MFSD6: variants seen among roughly 807,000 people sequenced by gnomAD.
MFSD6 encodes major facilitator superfamily domain containing 6, also known as major facilitator superfamily domain-containing protein 6.
A neutral mutation model predicts 56.3 loss-of-function variants in MFSD6; 26 were observed. The ratio of observed to expected loss-of-function variants is 0.46; its 90% CI spans 0.34 to 0.64. MFSD6 has a LOEUF of 0.64. Among genes scored for constraint, MFSD6 ranks in the 30% least tolerant of loss-of-function variants. MFSD6 has a pLI of 0.01. For synonymous variants in MFSD6, 331 were observed against 366.9 expected, an observed-to-expected ratio of 0.90 and a Z score of 1.12; for missense variants, 750 against 986.2, an observed-to-expected ratio of 0.76 and a Z score of 3.21.
chr2:190,443,626 T>C lies in MFSD6; in HGVS notation c.1532+6065T>C, dbSNP rs1320780227. On this transcript the variant is annotated intron_variant, in intron 3 of 7. Transcript: ENST00000392328. This position sits in a 1 kb window ranked among gnomAD's most constrained non-coding sequence, Gnocchi z 4.2. ...TTCCCCCTTAAACATCTTAGTCAAA[T>C]TGAAATTTTTCTCCCCAAATTTCTG... Among the ~76,000 whole-genome samples, 2 of 152,232 alleles carry C rather than the reference T, an allele frequency of 1.3e-5. No homozygotes were observed. The highest frequency in any genetic ancestry group is 2.9e-5 in the Non-Finnish European group (2 of 68,044).
rs924685153 is a variant in MFSD6, at chr2:190,439,796, A to G, written c.1532+2235A>G. ...GGTCATTTACCTGTTTTGAATTTTC[A>G]TTCTGTCCATTAAAATGTATTAATT... On this transcript the variant is annotated intron_variant, in intron 3 of 7. Coordinates refer to ENST00000392328, the MANE Select transcript of MFSD6 (RefSeq NM_017694.4). The surrounding 1 kb of genome is among the most constrained non-coding windows in gnomAD (Gnocchi z 5.8). Among the ~76,000 whole-genome samples the G allele has an allele frequency of 1.2e-4, 19 of 152,218 alleles. No individual in the cohort carries two copies. Among genetic ancestry groups the G allele is most frequent in the African/African-American group, 4.6e-4 (19 of 41,450 alleles).
Position 190,497,947 on chromosome 2 carries a change from G to T in MFSD6, c.2172+228G>T. 2.5e-6 allele frequency: 1 copy of T among 401,442 alleles called. No homozygotes were observed. The highest frequency in any genetic ancestry group is 6.9e-5 in the South Asian group (1 of 14,424). The allele number at this position is 401,442 out of a possible 1,614,324, so 24.9% of individuals were successfully genotyped here. A position where few individuals can be genotyped will look rare whatever the true frequency, so the allele number is the denominator to read the frequency against. ...TATGGAGTTCAGGAAAACTTCAGAG[G>T]TTATGATTCTTTCACTTCTTGAAAG... is the stretch of plus-strand genomic sequence containing the variant. On this transcript the variant is annotated intron_variant, in intron 7 of 7. Coordinates refer to ENST00000392328, the MANE Select transcript of MFSD6 (RefSeq NM_017694.4). The surrounding 1 kb of genome is among the most constrained non-coding windows in gnomAD (Gnocchi z 5.2).
intron 2 of MFSD6, among the ~76,000 whole-genome samples, chr2:190,428,017 C>T (rs1030409807): frequency 6.6e-6 from 1 of 152,230 alleles, no homozygotes; most frequent in Non-Finnish European, 1.5e-5. Context: ...CAGGCGTGAG[C>T]CACTGTGCCC....
At chr2:190,470,364 C>T (rs187089024) in intron 4 of MFSD6, among the ~76,000 whole-genome samples, 1 of 152,294 alleles carries the variant, frequency 6.6e-6, no homozygotes, top group Admixed American at 6.5e-5. Context: ...AAATGTCCTG[C>T]CCTGAGTTCT....
intron 2 of MFSD6, among the ~76,000 whole-genome samples, chr2:190,419,700 G>C (rs879478253): frequency 6.6e-6 from 1 of 152,190 alleles, no homozygotes; most frequent in African/African-American, 2.4e-5. Context: ...CTCAATATAT[G>C]TTTGAACAGT....
In MFSD6 at chr2:190,433,886, C is replaced by T. The variant is rs79256227; in HGVS notation, c.-53-2091C>T. Among the ~76,000 whole-genome samples, 86 of 152,148 alleles carry T rather than the reference C, an allele frequency of 5.7e-4. No individual in the cohort carries two copies. In the East Asian group the frequency reaches 0.016, roughly 29 times the overall value. On this transcript the variant is annotated intron_variant, in intron 2 of 7. Coordinates refer to ENST00000392328, the MANE Select transcript of MFSD6 (RefSeq NM_017694.4). The surrounding 1 kb of genome is among the most constrained non-coding windows in gnomAD (Gnocchi z 4.5). The stretch of plus-strand genomic sequence containing the variant: ...GGTAGCAAGTGAAACTGATATTTTT[C>T]TCTAGTAAAGAAAGTGAAAGGAGGC...
At position 190,500,316 on chromosome 2, in the gene MFSD6, C is replaced by T. The variant is rs1019860851; in HGVS notation, c.*98C>T. On this transcript the variant is annotated 3_prime_UTR_variant, in exon 8 of 8. Coordinates refer to ENST00000392328, the MANE Select transcript of MFSD6 (RefSeq NM_017694.4). This position sits in a 1 kb window ranked among gnomAD's most constrained non-coding sequence, Gnocchi z 5.3. ...CCAGGATATGCCTCCCCTGGAGGAG[C>T]ACAGCACTGCATATGCTTCTAAATA... 5 of 1,231,236 alleles carry T rather than the reference C, an allele frequency of 4.1e-6. No homozygotes were observed. The highest frequency in any genetic ancestry group is 4.6e-6 in the Non-Finnish European group (4 of 861,600). 76.3% of individuals were successfully genotyped at this position (1,231,236 alleles called of 1,614,324 possible). A position where few individuals can be genotyped will look rare whatever the true frequency, so the allele number is the denominator to read the frequency against.
rs1209458818 is a variant in MFSD6, at chr2:190,417,930, CATT to C, written c.-54+2524_-54+2526del. 2.0e-5 allele frequency among the ~76,000 whole-genome samples: 3 copies of C among 148,782 alleles called. No individual in the cohort carries two copies. The highest frequency in any genetic ancestry group is 4.4e-5 in the Non-Finnish European group (3 of 67,466). ...ATATAGGGCTATGTGGCTTTTCTTC[CATT>C]ATTATTCTGACTTTTCATTTAACCC... On this transcript the variant is annotated intron_variant, in intron 2 of 7. Transcript: ENST00000392328. The surrounding 1 kb of genome is among the most constrained non-coding windows in gnomAD (Gnocchi z 5.7).
At position 190,447,977 on chromosome 2, in the gene MFSD6, C is replaced by A. The variant is rs1444541482; in HGVS notation, c.1532+10416C>A. ...AGTTAAGAAGAAAAGGCCATTGTTGCAAAGTGGTATAAATGGATCCAGGGC... is the reference window on the plus strand; with the variant it reads ...AGTTAAGAAGAAAAGGCCATTGTTGAAAAGTGGTATAAATGGATCCAGGGC... On this transcript the variant is annotated intron_variant, in intron 3 of 7. Coordinates refer to ENST00000392328, the MANE Select transcript of MFSD6 (RefSeq NM_017694.4). The surrounding 1 kb of genome is among the most constrained non-coding windows in gnomAD (Gnocchi z 4.5). 6.6e-6 allele frequency among the ~76,000 whole-genome samples: 1 copy of A among 152,154 alleles called. No individual in the cohort carries two copies. The highest frequency in any genetic ancestry group is 1.5e-5 in the Non-Finnish European group (1 of 68,030).
chr2:190,471,415 C>G lies in MFSD6; in HGVS notation c.1630+1560C>G, dbSNP rs1401055244. Among the ~76,000 whole-genome samples the G allele has an allele frequency of 1.3e-5, 2 of 152,190 alleles. No homozygotes were observed. Among genetic ancestry groups the G allele is most frequent in the Non-Finnish European group, 2.9e-5 (2 of 68,038 alleles). ...CCTAATACTGTGCTTTTCCAACAGT[C>G]TTAGCAAACGGCACACTAGGAGATT... On this transcript the variant is annotated intron_variant, in intron 4 of 7. Transcript: ENST00000392328. The surrounding 1 kb of genome is among the most constrained non-coding windows in gnomAD (Gnocchi z 4.7).
chr2:190,497,403 G>A lies in MFSD6; in HGVS notation c.1892-36G>A, dbSNP rs1301820658. ...ACCTTTGTTCAAATATGTAGAAAATGCTGAAAAAATAGTTTAAACATTCTT... is the reference window on the plus strand; with the variant it reads ...ACCTTTGTTCAAATATGTAGAAAATACTGAAAAAATAGTTTAAACATTCTT... On this transcript the variant is annotated intron_variant, in intron 6 of 7. Transcript: ENST00000392328. The surrounding 1 kb of genome is among the most constrained non-coding windows in gnomAD (Gnocchi z 5.2). 1 of 1,596,430 alleles carries A rather than the reference G, an allele frequency of 6.3e-7. No homozygotes were observed. The highest frequency in any genetic ancestry group is 1.7e-5 in the Admixed American group (1 of 58,522).
rs190574693 is a variant in MFSD6 at position 190,497,473 on chromosome 2, C to T, written c.1926C>T (p.Pro642=). ...TGTTGGCAGAAAGAATTCCTGTTCC[C>T]TCCAGTCCCGTTCCTATAGCAACCA... The part of the protein sequence containing the change: ...KTMLAERIPV[P]SSPVPIATID... The change falls in exon 7 of 8, where the codon CCC becomes CCT. Residue 642 remains proline (P), a synonymous_variant. Coordinates refer to ENST00000392328, the MANE Select transcript of MFSD6 (RefSeq NM_017694.4). This position sits in a 1 kb window ranked among gnomAD's most constrained non-coding sequence, Gnocchi z 5.2. The T allele has an allele frequency of 2.6e-4, 427 of 1,614,102 alleles. 1 individual carries two copies. Among genetic ancestry groups the T allele is most frequent in the Middle Eastern group, 2.5e-3 (15 of 6,062 alleles).
chr2:190,478,058 C>T lies in MFSD6; in HGVS notation c.1630+8203C>T, dbSNP rs186595092. ...AGCATTTATCATCTCAAGCTGCCAACCCAGGACATGTTTTTATAATACTTG... is the reference window on the plus strand; with the variant it reads ...AGCATTTATCATCTCAAGCTGCCAATCCAGGACATGTTTTTATAATACTTG... On this transcript the variant is annotated intron_variant, in intron 4 of 7. Coordinates refer to ENST00000392328, the MANE Select transcript of MFSD6 (RefSeq NM_017694.4). Among the ~76,000 whole-genome samples the T allele has an allele frequency of 7.1e-3, 1,088 of 152,290 alleles. 10 individuals carry two copies. Among genetic ancestry groups the T allele is most frequent in the Non-Finnish European group, 0.011 (761 of 68,016 alleles).
At chr2:190,446,540 G>A (rs1286948829) in intron 3 of MFSD6, among the ~76,000 whole-genome samples, 2 of 152,210 alleles carry the variant, frequency 1.3e-5, no homozygotes, top group Non-Finnish European at 2.9e-5. Context: ...TGGGATCTGA[G>A]TTGGAAAAAA....
rs747163816 is a variant in MFSD6 at position 190,437,074 on chromosome 2, A to G, written c.1045A>G (p.Thr349Ala). ...MLSVGIGIDY[T>A]HIEVLIDGKG... Reference sequence around the variant, plus strand: ...GTCTGTGGGCATCGGGATCGACTACACCCACATCGAAGTGCTCATCGATGG... The same window carrying G: ...GTCTGTGGGCATCGGGATCGACTACGCCCACATCGAAGTGCTCATCGATGG... The change falls in exon 3 of 8, where the codon ACC becomes GCC. Residue 349 changes from threonine (T) to alanine (A), a missense_variant. By Grantham distance (58) the Thr-to-Ala change is moderately conservative (BLOSUM62 0). Around this residue, in one of 5 missense-constraint regions of MFSD6, gnomAD observed 376 missense variants for 437.9 expected, o/e 0.86. Transcript: ENST00000392328. The surrounding 1 kb of genome is among the most constrained non-coding windows in gnomAD (Gnocchi z 5.9). The G allele has an allele frequency of 6.2e-7, 1 of 1,614,202 alleles. No homozygotes were observed. The highest frequency in any genetic ancestry group is 8.5e-7 in the Non-Finnish European group (1 of 1,180,040).
chr2:190,473,861 C>A (rs1165660205), intron 4 of MFSD6, among the ~76,000 whole-genome samples: 1 of 152,160 alleles, frequency 6.6e-6, no homozygotes, highest in Non-Finnish European at 1.5e-5. Flanking sequence ...TTATAACAAA[C>A]TGTCTCTCAG....
chr2:190,493,343 A>G (rs1326386225), intron 6 of MFSD6, among the ~76,000 whole-genome samples: 2 of 152,192 alleles, frequency 1.3e-5, no homozygotes, highest in Non-Finnish European at 2.9e-5. Context: ...ACAATCTTCA[A>G]TATACATACA....
At chr2:190,427,951 C>T (rs559578516) in intron 2 of MFSD6, among the ~76,000 whole-genome samples, 119 of 152,272 alleles carry the variant, frequency 7.8e-4, no homozygotes, top group South Asian at 2.1e-3. Flanking sequence ...AGACTGGTCT[C>T]GAACTCCTGA....
intron 2 of MFSD6, among the ~76,000 whole-genome samples, chr2:190,420,084 A>C (rs895950776): frequency 6.6e-5 from 10 of 152,318 alleles, no homozygotes; most frequent in Non-Finnish European, 1.5e-4. Context: ...AAAAGCATTA[A>C]GACTCAGACA....
Sources: allele counts gnomAD v4.1 joint callset (sites outside exome capture counted in the v4.1 genomes callset), GRCh38; gene constraint gnomAD v4.1.1; regional missense constraint gnomAD v4.1.1; non-coding constraint Gnocchi (gnomAD v3.1); transcripts MANE v1.5; gene names NCBI Gene and HGNC (gene_info 2026-07-23, HGNC 2026-07-21).